Variants in ANXA2 observed in about 807,000 individuals in gnomAD.
ANXA2 encodes annexin A2, also known as annexin II.
Under a neutral mutation model 47.3 loss-of-function variants are expected in ANXA2, and 28 were observed. The ratio of observed to expected loss-of-function variants is 0.59; its 90% confidence interval spans 0.44 to 0.81. ANXA2 has a LOEUF of 0.81. Ranked by LOEUF, ANXA2 falls within the 40% of genes least tolerant of loss-of-function variation. ANXA2 has a pLI of 0.00. For missense variants in ANXA2, 384 were observed against 414.3 expected, an observed-to-expected ratio of 0.93 and a Z score of 0.64; for synonymous variants, 172 against 155.5, an observed-to-expected ratio of 1.11 and a Z score of -0.79.
At chr15:60,392,572 G>C (rs1463828338) in intron 1 of ANXA2, among the ~76,000 whole-genome samples, 1 of 152,154 alleles carries the variant, frequency 6.6e-6, no homozygotes, top group East Asian at 1.9e-4. Flanking sequence ...AAACTTAAAA[G>C]TCAACACTTC....
intron 4 of ANXA2, among the ~76,000 whole-genome samples, chr15:60,363,790 T>C (rs2062552486): frequency 6.6e-6 from 1 of 152,186 alleles, no homozygotes. Flanking sequence ...TTCAAGTGTA[T>C]ATTTTTAAAA....
chr15:60,360,892 A>G (rs1452974624), intron 5 of ANXA2, 49 bp downstream of exon 5: 1 of 1,229,562 alleles, frequency 8.1e-7, no homozygotes, highest in African/African-American at 1.5e-5. Flanking sequence ...GCTGTAATTC[A>G]CAAAATTAAT....
chr15:60,360,281 AAACTTGATATT>A (rs2062494499), intron 5 of ANXA2, among the ~76,000 whole-genome samples: 1 of 151,958 alleles, frequency 6.6e-6, no homozygotes, highest in Non-Finnish European at 1.5e-5. Flanking sequence ...ACAAAACAAA[AAACTTGATATT>A]TTAAGTATGC....
intron 5 of ANXA2, among the ~76,000 whole-genome samples, chr15:60,357,711 G>T (rs551438351): frequency 6.6e-6 from 1 of 151,806 alleles, no homozygotes; most frequent in African/African-American, 2.4e-5. Flanking sequence ...GGAGAATGGC[G>T]TGAACCTGGG....
At chr15:60,386,827 C>G (rs935267608) in intron 1 of ANXA2, 1 of 152,150 alleles carries the variant, frequency 6.6e-6, no homozygotes, top group South Asian at 2.1e-4. Context: ...CCAATCCCTG[C>G]CAATAAGGAG....
At chr15:60,371,200 T>A (rs1421738370) in intron 3 of ANXA2, among the ~76,000 whole-genome samples, 1 of 152,152 alleles carries the variant, frequency 6.6e-6, no homozygotes, top group African/African-American at 2.4e-5. Flanking sequence ...AACAATATTT[T>A]CAACACCTGG....
intron 3 of ANXA2, 52 bp from the exon 4 acceptor site, chr15:60,364,575 G>T (rs1328941572): frequency 2.1e-6 from 3 of 1,450,662 alleles, no homozygotes; most frequent in African/African-American, 1.4e-5. Flanking sequence ...AGTATTTTGG[G>T]CTTACATAGA....
At chr15:60,380,493 C>CAAA (rs538754910) in intron 3 of ANXA2, among the ~76,000 whole-genome samples, 8 of 90,134 alleles carry the variant, frequency 8.9e-5, no homozygotes, top group African/African-American at 2.7e-4. Flanking sequence ...TTAAATGCAC[C>CAAA]AAAAAAAAAA....
chr15:60,360,804 T>A (rs573252886), intron 5 of ANXA2, 137 bp downstream of exon 5: 2 of 638,606 alleles, frequency 3.1e-6, no homozygotes, highest in Non-Finnish European at 2.8e-6. Flanking sequence ...CTGAGACATA[T>A]AACTTCAGTT....
intron 3 of ANXA2, among the ~76,000 whole-genome samples, chr15:60,368,316 A>AAT (rs2062664696): frequency 1.8e-5 from 2 of 113,978 alleles, no homozygotes; most frequent in African/African-American, 6.4e-5. Flanking sequence ...AATAAAAAAA[A>AAT]AAAATAAAAT....
At chr15:60,390,444 A>C (rs957040973) in intron 1 of ANXA2, 1 of 513,814 alleles carries the variant, frequency 1.9e-6, no homozygotes, top group African/African-American at 1.9e-5. Flanking sequence ...AAAACGGCAC[A>C]ATACCAGGAC....
intron 1 of ANXA2, chr15:60,393,359 G>A (rs1880994391): frequency 2.0e-6 from 2 of 998,784 alleles, no homozygotes; most frequent in South Asian, 4.2e-5. Flanking sequence ...TTTCAGGGTT[G>A]GGAAATCCAG....
rs1043897041 is a variant in ANXA2 at position 60,349,184 on chromosome 15, C to T, written c.851G>A (p.Arg284Gln). 13 of 1,614,024 alleles carry T rather than the reference C, an allele frequency of 8.1e-6. No homozygotes were observed. Among genetic ancestry groups the T allele is most frequent in the South Asian group, 3.3e-5 (3 of 91,062 alleles). ...LYDSMKGKGTRDKVLIRIMVS... is the reference protein window; with the variant it reads ...LYDSMKGKGTQDKVLIRIMVS... Reference sequence around the variant, plus strand: ...CATGATTCTGATCAGGACCTTATCTCGCGTCCCCTTGCCCTGAAAATCAAG... The same window carrying T: ...CATGATTCTGATCAGGACCTTATCTTGCGTCCCCTTGCCCTGAAAATCAAG... The change falls in exon 12 of 13, where the codon CGA (arginine) becomes CAA (glutamine). Residue 284 changes from arginine to glutamine, a missense_variant. Transcript: ENST00000451270.
At chr15:60,397,838 G>T (rs1343580890) in intron 1 of ANXA2, 105 bp downstream of exon 1, 1 of 1,383,676 alleles carries the variant, frequency 7.2e-7, no homozygotes. Context: ...GGCCTCCGGG[G>T]CCAGTTGCCG....
intron 3 of ANXA2, among the ~76,000 whole-genome samples, chr15:60,375,220 G>A (rs2062760720): frequency 6.6e-6 from 1 of 152,142 alleles, no homozygotes; most frequent in South Asian, 2.1e-4. Context: ...TTCTATACTT[G>A]CGCTTCTGAG....
At chr15:60,365,702 A>C (rs1205375943) in intron 3 of ANXA2, among the ~76,000 whole-genome samples, 1 of 152,246 alleles carries the variant, frequency 6.6e-6, no homozygotes, top group Admixed American at 6.5e-5. Context: ...ACTTTTTAAA[A>C]TGTATATGCT....
intron 2 of ANXA2, chr15:60,384,626 T>C (rs547076867): frequency 1.5e-4 from 23 of 152,318 alleles, no homozygotes; most frequent in African/African-American, 5.5e-4. Flanking sequence ...CCTGAATTTG[T>C]CTGACTTCAA....
chr15:60,361,321 T>C, intron 4 of ANXA2: 1 of 414,228 alleles, frequency 2.4e-6, no homozygotes. Flanking sequence ...TGGAGTCGTA[T>C]GTGATTCCTA....
intron 3 of ANXA2, among the ~76,000 whole-genome samples, chr15:60,372,137 G>A (rs1388737958): frequency 4.6e-5 from 7 of 152,038 alleles, no homozygotes; most frequent in Non-Finnish European, 8.8e-5. Flanking sequence ...CAACAAGAGC[G>A]AAACTCTATC....
Sources: allele counts gnomAD v4.1 joint callset (sites outside exome capture counted in the v4.1 genomes callset), GRCh38; gene constraint gnomAD v4.1.1; transcripts MANE v1.5; gene names NCBI Gene and HGNC (gene_info 2026-07-23, HGNC 2026-07-21).